Variants in TTLL4 observed in about 807,000 individuals in gnomAD.
TTLL4 encodes the protein tubulin monoglutamylase TTLL4.
TTLL4 carries 85 observed loss-of-function variants against 122.7 expected under a neutral mutation model. That is an observed-to-expected ratio of 0.69 (90% CI 0.58 to 0.83). The LOEUF (loss-of-function observed/expected upper bound fraction) is 0.83. Ranked by LOEUF, TTLL4 falls within the 40% of genes least tolerant of loss-of-function variation. The pLI is 0.00. For missense variants in TTLL4, 1,363 were observed against 1,488.6 expected, an observed-to-expected ratio of 0.92 and a Z score of 1.39; for synonymous variants, 553 against 563.0, an observed-to-expected ratio of 0.98 and a Z score of 0.25.
chr2:218,737,762 C>T lies in TTLL4; in HGVS notation c.86C>T (p.Pro29Leu). 1.2e-6 allele frequency: 2 copies of T among 1,614,042 alleles called. No homozygotes were observed. The highest frequency in any genetic ancestry group is 2.7e-5 in the African/African-American group (2 of 75,064). Residue 29 changes from proline (P) to leucine (L), a missense_variant, in exon 3 of 20, where the codon CCT (proline) becomes CTT (leucine). Physicochemically the swap from Pro to Leu is moderately conservative, Grantham distance 98 (BLOSUM62 -3). Coordinates refer to ENST00000392102, the MANE Select transcript of TTLL4 (RefSeq NM_014640.5). The part of the protein sequence containing the change: ...FKQSGPSGTV[P>L]ATPPEKPSEG... ...CAGAGTGGTCCCTCAGGCACAGTAC[C>T]TGCCACGCCACCTGAGAAACCCTCG...
Position 218,748,418 on chromosome 2 carries a change from G to T in TTLL4, c.2501+191G>T, listed in dbSNP as rs1021399523. ...GCCTGTAATCCTAGCACTTTGGGAGGCCAAGGTGGGTGGATCACCTGAGTT... is the reference window on the plus strand; with the variant it reads ...GCCTGTAATCCTAGCACTTTGGGAGTCCAAGGTGGGTGGATCACCTGAGTT... On this transcript the variant is annotated intron_variant, in intron 12 of 19. Coordinates refer to ENST00000392102, the MANE Select transcript of TTLL4 (RefSeq NM_014640.5). The T allele has an allele frequency of 3.3e-5, 29 of 867,200 alleles. No individual in the cohort carries two copies. In the African/African-American group the frequency reaches 4.6e-4, roughly 14 times the overall value. 53.7% of individuals were successfully genotyped at this position (867,200 alleles called of 1,614,324 possible). A position where few individuals can be genotyped will look rare whatever the true frequency, so the allele number is the denominator to read the frequency against.
intron 1 of TTLL4, among the ~76,000 whole-genome samples, chr2:218,712,430 A>G (rs1426915858): frequency 5.3e-5 from 8 of 149,684 alleles, no homozygotes; most frequent in Non-Finnish European, 1.5e-5. Flanking sequence ...TCCGTCACCC[A>G]GGCTGGAGTG....
At position 218,747,605 on chromosome 2, in the gene TTLL4, A is replaced by C. The variant is rs551783740; in HGVS notation, c.2258A>C (p.His753Pro). 39 of 1,614,212 alleles carry C rather than the reference A, an allele frequency of 2.4e-5. 1 individual carries two copies. The South Asian group carries it at 3.7e-4, about 15-fold the overall frequency. The change falls in exon 11 of 20, where the codon CAC (histidine) becomes CCC (proline). Residue 753 changes from histidine to proline, a missense_variant. Coordinates refer to ENST00000392102, the MANE Select transcript of TTLL4 (RefSeq NM_014640.5). The surrounding 1 kb of genome is among the most constrained non-coding windows in gnomAD (Gnocchi z 4.7). ...RRPLLVQRYL[H>P]KPYLISGSKF... Reference sequence around the variant, plus strand: ...GCCTTTGTCCTATGTAGGTATCTACACAAACCCTACCTCATCAGCGGCAGC... The same window carrying C: ...GCCTTTGTCCTATGTAGGTATCTACCCAAACCCTACCTCATCAGCGGCAGC...
chr2:218,732,892 G>C (rs556212239), intron 2 of TTLL4, among the ~76,000 whole-genome samples: 1 of 152,324 alleles, frequency 6.6e-6, no homozygotes, highest in South Asian at 2.1e-4. Flanking sequence ...CTGTCTTAAC[G>C]TGACACTACT....
At position 218,754,367 on chromosome 2, in the gene TTLL4, C is replaced by T. The variant is rs779339823; in HGVS notation, c.3578C>T (p.Ser1193Phe). The change falls in exon 20 of 20, where the codon TCC becomes TTC. Residue 1193 changes from serine (S) to phenylalanine (F), a missense_variant. Physicochemically the swap from Ser to Phe is radical, Grantham distance 155. Coordinates refer to ENST00000392102, the MANE Select transcript of TTLL4 (RefSeq NM_014640.5). ...TCCACTTTCCAGTCAATCAGTGACT[C>T]CCTCCTGGCTGTGAGCCCATAACTG... The part of the protein sequence containing the change: ...ASSTFQSISD[S>F]LLAVSP 13 of 1,614,072 alleles carry T rather than the reference C, an allele frequency of 8.1e-6. No homozygotes were observed. The highest frequency in any genetic ancestry group is 5.0e-5 in the Admixed American group (3 of 60,008).
At chr2:218,730,827 G>T (rs1252851277) in intron 2 of TTLL4, among the ~76,000 whole-genome samples, 1 of 152,010 alleles carries the variant, frequency 6.6e-6, no homozygotes, top group Non-Finnish European at 1.5e-5. Flanking sequence ...CCACCATGCC[G>T]GGTGTGGTGG....
chr2:218,751,904 CT>C lies in TTLL4; in HGVS notation c.2976+103del, dbSNP rs879049551. The C allele has an allele frequency of 1.2e-4, 64 of 529,086 alleles. 2 individuals carry two copies. The highest frequency in any genetic ancestry group is 4.7e-4 in the South Asian group (16 of 34,116). 32.8% of individuals were successfully genotyped at this position (529,086 alleles called of 1,614,324 possible). On this transcript the variant is annotated intron_variant, in intron 16 of 19. Transcript: ENST00000392102. The stretch of plus-strand genomic sequence containing the variant: ...CAGCTTTTCTTTTTTTTTTTCTTTT[CT>C]TTTTCTTTTTTTTTTTTTTGAGATA...
Position 218,747,544 on chromosome 2 carries a change from C to T in TTLL4, c.2250-53C>T. 1 of 1,602,858 alleles carries T rather than the reference C, an allele frequency of 6.2e-7. No homozygotes were observed. Among genetic ancestry groups the T allele is most frequent in the Non-Finnish European group, 8.5e-7 (1 of 1,173,596 alleles). On this transcript the variant is annotated intron_variant, in intron 10 of 19. Coordinates refer to ENST00000392102, the MANE Select transcript of TTLL4 (RefSeq NM_014640.5). This position sits in a 1 kb window ranked among gnomAD's most constrained non-coding sequence, Gnocchi z 4.7. ...CTGGCTTTTCCTGTGGCTTGGTTAC[C>T]CACTGAGCCCCATCATCTGGCTGTA...
At chr2:218,753,293 C>A in intron 18 of TTLL4, 108 bp downstream of exon 18, 1 of 1,181,854 alleles carries the variant, frequency 8.5e-7, no homozygotes, top group Middle Eastern at 2.7e-4. Flanking sequence ...CTCACTTCTC[C>A]GCTAGGCTCT....
chr2:218,748,607 A>G, intron 12 of TTLL4: 1 of 458,992 alleles, frequency 2.2e-6, no homozygotes, highest in Non-Finnish European at 3.9e-6. Context: ...GTGAGCTGAG[A>G]TCGCGCCACT....
At chr2:218,746,382 T>A in intron 8 of TTLL4, 151 bp downstream of exon 8, 1 of 745,738 alleles carries the variant, frequency 1.3e-6, no homozygotes, top group South Asian at 1.6e-5. Context: ...AGGACGGGGG[T>A]ACAGTGAGAG....
rs143319498 is a variant in TTLL4 at position 218,737,515 on chromosome 2, C to T, written c.-98-64C>T. The T allele has an allele frequency of 2.6e-4, 219 of 841,050 alleles. 1 individual carries two copies. In the East Asian group the frequency reaches 5.7e-3, roughly 22 times the overall value. 52.1% of individuals were successfully genotyped at this position (841,050 alleles called of 1,614,324 possible). The stretch of plus-strand genomic sequence containing the variant: ...GGGACTGTACTGCTTACCTGAGGAC[C>T]ACTGTAGCATGGTGTCCGTTCTCCT... On this transcript the variant is annotated intron_variant, in intron 2 of 19. Coordinates refer to ENST00000392102, the MANE Select transcript of TTLL4 (RefSeq NM_014640.5).
At chr2:218,733,369 G>A (rs6761437) in intron 2 of TTLL4, among the ~76,000 whole-genome samples, 74,215 of 151,700 alleles carry the variant, frequency 0.49, 18,764 homozygotes, top group African/African-American at 0.58. Flanking sequence ...GGGGAAGCAG[G>A]CACGTCTTCA....
chr2:218,754,707 G>C lies in TTLL4; in HGVS notation c.*318G>C, dbSNP rs996581165. ...TTTCTACCTTAAGTGAGCCATGTGT[G>C]GTTTGTCTGGGGGCCCTGGTGTGGT... On this transcript the variant is annotated 3_prime_UTR_variant, in exon 20 of 20. Coordinates refer to ENST00000392102, the MANE Select transcript of TTLL4 (RefSeq NM_014640.5). 4.7e-5 allele frequency: 18 copies of C among 381,082 alleles called. No homozygotes were observed. The highest frequency in any genetic ancestry group is 3.4e-4 in the African/African-American group (17 of 49,498). 23.6% of individuals were successfully genotyped at this position (381,082 alleles called of 1,614,324 possible).
At chr2:218,712,544 G>A (rs950775471) in intron 1 of TTLL4, among the ~76,000 whole-genome samples, 2 of 151,944 alleles carry the variant, frequency 1.3e-5, no homozygotes, top group Admixed American at 1.3e-4. Context: ...ATGCTGCCAC[G>A]CTCGGTTAAT....
At chr2:218,729,748 T>TAAAAAAAAA (rs771622464) in intron 2 of TTLL4, among the ~76,000 whole-genome samples, 10 of 78,726 alleles carry the variant, frequency 1.3e-4, no homozygotes, top group African/African-American at 3.1e-4. Flanking sequence ...TCTCTCTTTT[T>TAAAAAAAAA]AAAAAAAAAA....
intron 3 of TTLL4, 87 bp from the exon 4 acceptor site, chr2:218,739,971 A>G: frequency 8.0e-7 from 1 of 1,248,914 alleles, no homozygotes; most frequent in Non-Finnish European, 1.1e-6. Context: ...GAAGGGGCAA[A>G]TACTGGGAGA....
intron 2 of TTLL4, among the ~76,000 whole-genome samples, chr2:218,728,576 T>C (rs946125841): frequency 1.3e-5 from 2 of 152,216 alleles, no homozygotes; most frequent in African/African-American, 2.4e-5. Flanking sequence ...AGTACCAATC[T>C]GTGGCCCAAG....
In TTLL4 at chr2:218,717,785, T is replaced by C. The variant is rs374821019; in HGVS notation, c.-178+6748T>C. Among the ~76,000 whole-genome samples the C allele has an allele frequency of 1.3e-4, 20 of 151,942 alleles. No homozygotes were observed. The East Asian group carries it at 1.9e-3, about 15-fold the overall frequency. On this transcript the variant is annotated intron_variant, in intron 1 of 19. Coordinates refer to ENST00000392102, the MANE Select transcript of TTLL4 (RefSeq NM_014640.5). ...TCCTCTCTATTTGGTTCCAGGCAAG[T>C]CAGTTCTATCTTCTTCTTTTTTTTT...
Sources: gnomAD v4.1 joint callset for allele counts (sites outside exome capture counted in the v4.1 genomes callset) on GRCh38, gnomAD v4.1.1 for gene constraint, Gnocchi (gnomAD v3.1) non-coding constraint, MANE v1.5 for transcripts, NCBI Gene and HGNC (gene_info 2026-07-23, HGNC 2026-07-21) for gene names.